FAM133B: variants seen among roughly 807,000 people sequenced by gnomAD.
FAM133B encodes the protein protein FAM133B.
FAM133B carries 25 observed loss-of-function variants against 46.4 expected under a neutral mutation model. The ratio of observed to expected loss-of-function variants is 0.54; its 90% CI spans 0.39 to 0.75. The LOEUF (loss-of-function observed/expected upper bound fraction) is 0.75. FAM133B is among the 30% of genes least tolerant of loss of function. FAM133B has a pLI of 0.00. For missense variants in FAM133B, 205 were observed against 277.6 expected, an observed-to-expected ratio of 0.74 and a Z score of 1.86; for synonymous variants, 75 against 86.0, an observed-to-expected ratio of 0.87 and a Z score of 0.71.
At chr7:92,578,047 T>C (rs1794754097) in intron 5 of FAM133B, 103 bp downstream of exon 5, 6 of 998,158 alleles carry the variant, frequency 6.0e-6, no homozygotes, top group Admixed American at 5.0e-5. Context: ...TTGACTCATC[T>C]GGAGTTTAAG....
chr7:92,570,310 C>T (rs187188052), intron 8 of FAM133B, among the ~76,000 whole-genome samples: 121 of 152,068 alleles, frequency 8.0e-4, no homozygotes, highest in Non-Finnish European at 1.4e-3. Flanking sequence ...TTGCAGTGAT[C>T]TAAAAGAATC....
intron 1 of FAM133B, among the ~76,000 whole-genome samples, chr7:92,587,595 G>T (rs919707547): frequency 6.6e-6 from 1 of 152,090 alleles, no homozygotes; most frequent in African/African-American, 2.4e-5. Context: ...TTAGCCAGGT[G>T]TGGTTCCACA....
chr7:92,583,267 T>C (rs1186555397), intron 1 of FAM133B, among the ~76,000 whole-genome samples: 2 of 152,176 alleles, frequency 1.3e-5, no homozygotes, highest in Admixed American at 6.5e-5. Context: ...TTATATGAGA[T>C]ACCTAGAAAA....
At chr7:92,579,431 A>G in intron 2 of FAM133B, 36 bp from the exon 3 acceptor site, 1 of 1,463,288 alleles carries the variant, frequency 6.8e-7, no homozygotes, top group Middle Eastern at 1.7e-4. Flanking sequence ...AATTTCAAGC[A>G]ATTCAAATTA....
intron 9 of FAM133B, among the ~76,000 whole-genome samples, chr7:92,566,648 G>A (rs1794358869): frequency 6.6e-6 from 1 of 151,608 alleles, no homozygotes. Flanking sequence ...TCTCAAAACA[G>A]GCAAACAAAA....
chr7:92,568,154 T>C (rs1178355307), intron 9 of FAM133B, among the ~76,000 whole-genome samples: 1 of 152,150 alleles, frequency 6.6e-6, no homozygotes, highest in Non-Finnish European at 1.5e-5. Context: ...ACTCCTGGTC[T>C]GAACTGATTC....
Position 92,584,980 on chromosome 7 carries a change from TAAACAAAACA to T in FAM133B, c.25-3387_25-3378del, listed in dbSNP as rs148386601. Among the ~76,000 whole-genome samples the T allele has an allele frequency of 1.4e-3, 205 of 151,576 alleles. 1 individual carries two copies. The highest frequency in any genetic ancestry group is 3.6e-3 in the African/African-American group (150 of 41,156). On this transcript the variant is annotated intron_variant, in intron 1 of 10. Coordinates refer to ENST00000445716, the MANE Select transcript of FAM133B (RefSeq NM_152789.4). Reference sequence around the variant, plus strand: ...CAGGAGAGACCAATCTTGTCTCTACTAAACAAAACAAAACAAAACAAAACAAAACAAAAAC... The same window carrying T: ...CAGGAGAGACCAATCTTGTCTCTACTAAACAAAACAAAACAAAACAAAAAC...
chr7:92,572,793 T>C (rs1213428879), intron 8 of FAM133B, among the ~76,000 whole-genome samples: 1 of 152,190 alleles, frequency 6.6e-6, no homozygotes, highest in Non-Finnish European at 1.5e-5. Context: ...CAGCACTATT[T>C]GTATTACTGA....
At chr7:92,574,776 G>T (rs7458675) in intron 8 of FAM133B, among the ~76,000 whole-genome samples, 3,773 of 151,650 alleles carry the variant, frequency 0.025, 55 homozygotes, top group Middle Eastern at 0.075. Context: ...GCGGTGGCGG[G>T]CGCCTGTAGT....
At chr7:92,575,564 A>C (rs182118870) in intron 8 of FAM133B, among the ~76,000 whole-genome samples, 31 of 152,362 alleles carry the variant, frequency 2.0e-4, no homozygotes, top group Non-Finnish European at 3.5e-4. Flanking sequence ...CCATTAATCT[A>C]TATAAATTCA....
intron 2 of FAM133B, among the ~76,000 whole-genome samples, chr7:92,580,476 C>A (rs1794835581): frequency 6.6e-6 from 1 of 152,198 alleles, no homozygotes; most frequent in Admixed American, 6.5e-5. Flanking sequence ...CTCTAATGAG[C>A]TTCAATTGGT....
intron 8 of FAM133B, among the ~76,000 whole-genome samples, chr7:92,573,862 C>G (rs1273554273): frequency 6.6e-6 from 1 of 151,506 alleles, no homozygotes; most frequent in African/African-American, 2.4e-5. Context: ...TTTTAAGTGT[C>G]TTTTTAAATT....
At chr7:92,562,766 CAG>C (rs2116369251) in intron 10 of FAM133B, among the ~76,000 whole-genome samples, 1 of 152,210 alleles carries the variant, frequency 6.6e-6, no homozygotes, top group African/African-American at 2.4e-5. Context: ...TCAGACAGAA[CAG>C]AGATATTAAA....
intron 9 of FAM133B, among the ~76,000 whole-genome samples, chr7:92,566,567 A>T (rs1205162059): frequency 6.6e-6 from 1 of 152,150 alleles, no homozygotes. Flanking sequence ...ACTTGAGCCC[A>T]GGAGGTTGAG....
chr7:92,573,880 AT>A (rs948943763), intron 8 of FAM133B, among the ~76,000 whole-genome samples: 4 of 150,964 alleles, frequency 2.6e-5, no homozygotes, highest in East Asian at 3.9e-4. Flanking sequence ...ATTAAATTTT[AT>A]TTTTTTTTAA....
At position 92,560,991 on chromosome 7, in the gene FAM133B, T is replaced by C. The variant is rs1794138792; in HGVS notation, c.*1291A>G. ...ACATTCCTAGTAAACAATTCAGCAG[T>C]AGACATGAGGCACAAAATCTTAGTA... On this transcript the variant is annotated 3_prime_UTR_variant, in exon 11 of 11. Transcript: ENST00000445716. The C allele has an allele frequency of 6.6e-6, 1 of 152,646 alleles. No individual in the cohort carries two copies. The highest frequency in any genetic ancestry group is 2.4e-5 in the African/African-American group (1 of 41,450). The allele number at this position is 152,646 out of a possible 1,614,324, so 9.5% of individuals were successfully genotyped here. A position where few individuals can be genotyped will look rare whatever the true frequency, so the allele number is the denominator to read the frequency against.
In FAM133B at chr7:92,575,296, C is replaced by T. The variant is rs568991382; in HGVS notation, c.516+475G>A. Among the ~76,000 whole-genome samples, 53 of 152,088 alleles carry T rather than the reference C, an allele frequency of 3.5e-4. 1 individual carries two copies. The highest frequency in any genetic ancestry group is 3.4e-3 in the Admixed American group (52 of 15,274). On this transcript the variant is annotated intron_variant, in intron 8 of 10. Transcript: ENST00000445716. ...TTTGAAAGCAGCCTGGCCAACATGGCGAAACCGTCTCTACTAAAAATACAA... is the reference window on the plus strand; with the variant it reads ...TTTGAAAGCAGCCTGGCCAACATGGTGAAACCGTCTCTACTAAAAATACAA...
Position 92,581,503 on chromosome 7 carries a change from T to C in FAM133B, c.122+3A>G, listed in dbSNP as rs1419337330. 2 of 1,609,352 alleles carry C rather than the reference T, an allele frequency of 1.2e-6. No homozygotes were observed. Among genetic ancestry groups the C allele is most frequent in the Non-Finnish European group, 8.5e-7 (1 of 1,176,222 alleles). On this transcript the variant is annotated splice_donor_region_variant and intron_variant, in intron 2 of 10. Transcript: ENST00000445716. ...ATAAATAGGTAAAGTGTTTCACAAA[T>C]ACCAGGTAGGCCTTGGTCGATTCAG...
intron 3 of FAM133B, 169 bp downstream of exon 3, chr7:92,579,148 T>G (rs1794788663): frequency 1.7e-6 from 1 of 579,736 alleles, no homozygotes; most frequent in African/African-American, 2.0e-5. Context: ...AGGTATTTTC[T>G]TTTTTTTAAT....
Sources: allele counts gnomAD v4.1 joint callset (sites outside exome capture counted in the v4.1 genomes callset), GRCh38; gene constraint gnomAD v4.1.1; transcripts MANE v1.5; gene names NCBI Gene and HGNC (gene_info 2026-07-23, HGNC 2026-07-21).